Variants in IKBKB observed in about 807,000 individuals in gnomAD.
IKBKB encodes the protein inhibitor of nuclear factor kappa-B kinase subunit beta.
Under a neutral mutation model 113.6 loss-of-function variants are expected in IKBKB, and 42 were observed. The observed-to-expected ratio is 0.37, with a 90% confidence interval of 0.29 to 0.48. IKBKB has a LOEUF of 0.48. IKBKB is among the 20% of genes least tolerant of loss of function. The probability of loss-of-function intolerance (pLI) is 0.99; values close to 1 mark genes in which losing one functional copy is unlikely to be tolerated. For missense variants in IKBKB, 673 were observed against 939.7 expected (o/e 0.72, Z 3.71); for synonymous variants, 296 against 361.3 (o/e 0.82, Z 2.05).
At chr8:42,312,925 C>T (rs571610360) in intron 8 of IKBKB, among the ~76,000 whole-genome samples, 47 of 152,264 alleles carry the variant, frequency 3.1e-4, no homozygotes, top group African/African-American at 1.1e-3. Context: ...GAAAGAACAC[C>T]AGACATTGGG....
intron 7 of IKBKB, among the ~76,000 whole-genome samples, chr8:42,306,817 A>G (rs1816633611): frequency 6.6e-6 from 1 of 152,174 alleles, no homozygotes; most frequent in South Asian, 2.1e-4. Flanking sequence ...CCGAGGCCAC[A>G]CTTTCCATGA....
In IKBKB at chr8:42,271,347, C is replaced by G. The variant is rs1459651438; in HGVS notation, c.-141C>G. On this transcript the variant is annotated 5_prime_UTR_variant, in exon 1 of 22. Coordinates refer to ENST00000520810, the MANE Select transcript of IKBKB (RefSeq NM_001556.3). ...GTTTGAGGAAGTCGCGCCGCGCTGC[C>G]CGCGTTAAGATTCCCGCATTTTAAT... 7.6e-7 allele frequency: 1 copy of G among 1,322,540 alleles called. No individual in the cohort carries two copies. Among genetic ancestry groups the G allele is most frequent in the Admixed American group, 2.0e-5 (1 of 50,672 alleles). The allele number at this position is 1,322,540 out of a possible 1,614,324, so 81.9% of individuals were successfully genotyped here.
At chr8:42,312,548 G>A (rs1313440798) in intron 8 of IKBKB, among the ~76,000 whole-genome samples, 3 of 151,962 alleles carry the variant, frequency 2.0e-5, no homozygotes, top group Non-Finnish European at 2.9e-5. Context: ...ATGCAATTTG[G>A]GCTTTACAAT....
At position 42,331,490 on chromosome 8, in the gene IKBKB, C is replaced by T. The variant is rs202198059; in HGVS notation, c.*511C>T. On this transcript the variant is annotated 3_prime_UTR_variant, in exon 22 of 22. Coordinates refer to ENST00000520810, the MANE Select transcript of IKBKB (RefSeq NM_001556.3). ...CTCCCTGTCCTCTCTCACTTTACAG[C>T]TTGTGTTTCTTCTGGATTCAGCTTC... 1 of 679,874 alleles carries T rather than the reference C, an allele frequency of 1.5e-6. No individual in the cohort carries two copies. Among genetic ancestry groups the T allele is most frequent in the Non-Finnish European group, 2.7e-6 (1 of 372,648 alleles). The allele number at this position is 679,874 out of a possible 1,614,324, so 42.1% of individuals were successfully genotyped here. A position where few individuals can be genotyped will look rare whatever the true frequency, so the allele number is the denominator to read the frequency against.
intron 9 of IKBKB, among the ~76,000 whole-genome samples, chr8:42,315,827 T>G (rs1386670188): frequency 6.6e-6 from 1 of 152,126 alleles, no homozygotes; most frequent in South Asian, 2.1e-4. Flanking sequence ...CACGCCTGGC[T>G]AATTTTTGTG....
intron 20 of IKBKB, among the ~76,000 whole-genome samples, chr8:42,328,380 G>A (rs1821223000): frequency 6.6e-6 from 1 of 151,992 alleles, no homozygotes; most frequent in Non-Finnish European, 1.5e-5. Flanking sequence ...GCTAGCTAGA[G>A]GCCCCATAGA....
At chr8:42,279,410 A>G (rs1346959594) in intron 2 of IKBKB, among the ~76,000 whole-genome samples, 5 of 152,204 alleles carry the variant, frequency 3.3e-5, no homozygotes, top group Non-Finnish European at 7.3e-5. Context: ...AGAAGAAGGA[A>G]TGTTGTAGTT....
intron 2 of IKBKB, among the ~76,000 whole-genome samples, chr8:42,274,480 G>A (rs1294176726): frequency 9.2e-6 from 1 of 108,234 alleles, no homozygotes; most frequent in African/African-American, 3.7e-5. Context: ...ACCCTTTCCT[G>A]CCTCTGGTGA....
At chr8:42,322,544 C>T in intron 19 of IKBKB, 50 bp downstream of exon 19, 1 of 1,596,216 alleles carries the variant, frequency 6.3e-7, no homozygotes, top group Admixed American at 1.7e-5. Context: ...CCTCCTGTGC[C>T]TTTCCACCTC....
chr8:42,325,287 C>T (rs1202547952), intron 19 of IKBKB: 26 of 985,382 alleles, frequency 2.6e-5, no homozygotes, highest in Non-Finnish European at 3.0e-5. Flanking sequence ...TTCTTCTCAG[C>T]CAGGTCATAG....
At chr8:42,329,588 T>C (rs1249287454) in intron 21 of IKBKB, 1 of 948,332 alleles carries the variant, frequency 1.1e-6, no homozygotes, top group Non-Finnish European at 1.3e-6. Flanking sequence ...ACTACATGTA[T>C]GCATTATCTT....
rs745737811 is a variant in IKBKB at position 42,303,509 on chromosome 8, TTC to T, written c.389-1676_389-1675del. 2.8e-5 allele frequency among the ~76,000 whole-genome samples: 4 copies of T among 144,086 alleles called. No individual in the cohort carries two copies. In the East Asian group the frequency reaches 7.0e-4, roughly 25 times the overall value. 94.5% of individuals were successfully genotyped at this position (144,086 alleles called of 152,430 possible). A position where few individuals can be genotyped will look rare whatever the true frequency, so the allele number is the denominator to read the frequency against. Reference sequence around the variant, plus strand: ...TCTTTGCCCATTTTTCTTTTTCTTTTTCTTTTTTTTTTTAGGTAGAGTCTTAC... The same window carrying T: ...TCTTTGCCCATTTTTCTTTTTCTTTTTTTTTTTTTTTAGGTAGAGTCTTAC... On this transcript the variant is annotated intron_variant, in intron 5 of 21. Transcript: ENST00000520810.
At chr8:42,328,247 C>CTTT (rs59970761) in intron 20 of IKBKB, among the ~76,000 whole-genome samples, 7 of 132,534 alleles carry the variant, frequency 5.3e-5, no homozygotes, top group South Asian at 5.0e-4. Flanking sequence ...GCACCCGGCC[C>CTTT]TTTTTTTTTT....
At chr8:42,326,243 CA>C in intron 20 of IKBKB, 146 bp downstream of exon 20, 1 of 935,858 alleles carries the variant, frequency 1.1e-6, no homozygotes, top group Non-Finnish European at 1.6e-6. Flanking sequence ...CCTGTGGGGA[CA>C]AAAGTGATAC....
chr8:42,312,724 C>G (rs1320104849), intron 8 of IKBKB, among the ~76,000 whole-genome samples: 1 of 152,222 alleles, frequency 6.6e-6, no homozygotes, highest in Admixed American at 6.5e-5. Context: ...TTAGAGCTGT[C>G]AGAGTTTCAG....
chr8:42,291,141 A>T (rs1289658734), intron 4 of IKBKB, among the ~76,000 whole-genome samples: 1 of 152,188 alleles, frequency 6.6e-6, no homozygotes, highest in East Asian at 1.9e-4. Context: ...CTGAGGCTGA[A>T]TAAGGCCATA....
chr8:42,286,946 C>T (rs1443804379), intron 2 of IKBKB, among the ~76,000 whole-genome samples: 1 of 152,134 alleles, frequency 6.6e-6, no homozygotes, highest in African/African-American at 2.4e-5. Context: ...TGTAGGTACA[C>T]AGGAGGTGCA....
At chr8:42,296,195 A>G (rs923150419) in intron 5 of IKBKB, among the ~76,000 whole-genome samples, 2 of 152,198 alleles carry the variant, frequency 1.3e-5, no homozygotes, top group African/African-American at 2.4e-5. Context: ...AATCTTCTCT[A>G]TAAATATTTG....
chr8:42,319,950 T>G (rs1449132666), intron 15 of IKBKB: 1 of 330,912 alleles, frequency 3.0e-6, no homozygotes, highest in Non-Finnish European at 5.5e-6. Flanking sequence ...GGGCATTGGA[T>G]GGATGATCAA....
Sources: gnomAD v4.1 joint callset for allele counts (sites outside exome capture counted in the v4.1 genomes callset) on GRCh38, gnomAD v4.1.1 for gene constraint, MANE v1.5 for transcripts, NCBI Gene and HGNC (gene_info 2026-07-23, HGNC 2026-07-21) for gene names.